Variants in MAPK10 observed in about 807,000 individuals in gnomAD.
MAPK10 encodes JNK3 alpha protein kinase.
A neutral mutation model predicts 59.3 loss-of-function variants in MAPK10; 25 were observed. The ratio of observed to expected loss-of-function variants is 0.42; its 90% CI spans 0.31 to 0.59. The LOEUF is 0.59. Ranked by LOEUF, MAPK10 falls within the 20% of genes least tolerant of loss-of-function variation. MAPK10 has a pLI of 0.15. For missense variants in MAPK10, 351 were observed against 568.9 expected (o/e 0.62, Z 3.90); for synonymous variants, 190 against 200.5 (o/e 0.95, Z 0.44).
chr4:86,476,356 C>A (rs1261927408), intron 1 of MAPK10, among the ~76,000 whole-genome samples: 2 of 152,168 alleles, frequency 1.3e-5, no homozygotes, highest in Non-Finnish European at 2.9e-5. Flanking sequence ...AGCCTTCCCC[C>A]ACCAGCCCAG....
chr4:86,011,770 C>T lies in MAPK10; in HGVS notation c.*5458G>A, dbSNP rs147969226. 2.6e-5 allele frequency: 4 copies of T among 152,212 alleles called. No individual in the cohort carries two copies. The highest frequency in any genetic ancestry group is 4.4e-5 in the Non-Finnish European group (3 of 67,994). 9.4% of individuals were successfully genotyped at this position (152,212 alleles called of 1,614,324 possible). Reference sequence around the variant, plus strand: ...ATATTCCAACAGGAACTAGGTAAAACGATAAATGTGATAACTCAAAATAAT... The same window carrying T: ...ATATTCCAACAGGAACTAGGTAAAATGATAAATGTGATAACTCAAAATAAT... On this transcript the variant is annotated 3_prime_UTR_variant, in exon 14 of 14. Transcript: ENST00000641462.
At chr4:86,359,497 G>T (rs1330408363) in intron 1 of MAPK10, among the ~76,000 whole-genome samples, 161 bp downstream of exon 1, 2 of 151,896 alleles carry the variant, frequency 1.3e-5, no homozygotes, top group African/African-American at 4.8e-5. Flanking sequence ...AAAACTGGTA[G>T]CTTCTTGCTT....
At chr4:86,144,684 T>A (rs1277841945) in intron 4 of MAPK10, among the ~76,000 whole-genome samples, 1 of 152,194 alleles carries the variant, frequency 6.6e-6, no homozygotes, top group Non-Finnish European at 1.5e-5. Flanking sequence ...TCATAATTTC[T>A]TATTGATAAT....
At chr4:86,051,929 A>G (rs116150967) in intron 11 of MAPK10, among the ~76,000 whole-genome samples, 1 of 152,220 alleles carries the variant, frequency 6.6e-6, no homozygotes, top group Admixed American at 6.5e-5. Context: ...TCCGAAAAAC[A>G]AAGTGGAAAC....
chr4:86,456,483 T>A (rs1367307074), upstream of MAPK10, among the ~76,000 whole-genome samples: 2 of 152,054 alleles, frequency 1.3e-5, no homozygotes, highest in Non-Finnish European at 2.9e-5. Context: ...ATGCTACAAC[T>A]GACACCACAG....
At chr4:86,169,254 T>G (rs1426484395) in intron 3 of MAPK10, among the ~76,000 whole-genome samples, 1 of 151,976 alleles carries the variant, frequency 6.6e-6, no homozygotes, top group Admixed American at 6.5e-5. Context: ...CTACAGACGA[T>G]CAAACTACTC....
intron 1 of MAPK10, among the ~76,000 whole-genome samples, chr4:86,547,154 T>C (rs1759261898): frequency 6.6e-6 from 1 of 152,242 alleles, no homozygotes; most frequent in Admixed American, 6.5e-5. Context: ...GGTGACAGCT[T>C]GCTGGCAGTT....
At chr4:86,448,062 G>T (rs1229630795) in intron 1 of MAPK10, among the ~76,000 whole-genome samples, 1 of 152,124 alleles carries the variant, frequency 6.6e-6, no homozygotes, top group East Asian at 1.9e-4. Context: ...CAGTTTTTGT[G>T]GGAGTTAGAT....
intron 1 of MAPK10, among the ~76,000 whole-genome samples, chr4:86,529,897 T>A (rs1053327587): frequency 6.6e-6 from 1 of 152,172 alleles, no homozygotes; most frequent in Admixed American, 6.5e-5. Context: ...TGTTTGTCTA[T>A]GTGCTTAGTT....
chr4:86,122,216 GA>G (rs930636048), intron 4 of MAPK10, among the ~76,000 whole-genome samples: 9 of 152,146 alleles, frequency 5.9e-5, no homozygotes, highest in African/African-American at 2.2e-4. Flanking sequence ...TGTCATGGTA[GA>G]AAAAGACTTT....
At chr4:86,290,417 CT>C (rs1423066386) in intron 2 of MAPK10, among the ~76,000 whole-genome samples, 2 of 152,182 alleles carry the variant, frequency 1.3e-5, no homozygotes, top group Admixed American at 1.3e-4. Flanking sequence ...CAGGTCTTTA[CT>C]CAAAATTACC....
chr4:86,076,228 G>C (rs994691195), intron 9 of MAPK10, among the ~76,000 whole-genome samples: 1 of 152,198 alleles, frequency 6.6e-6, no homozygotes. Context: ...TCCCAGGTGA[G>C]GCAATGCCTC....
intron 2 of MAPK10, among the ~76,000 whole-genome samples, chr4:86,203,503 A>G (rs950235919): frequency 3.6e-4 from 55 of 151,754 alleles, no homozygotes; most frequent in Non-Finnish European, 3.5e-4. Context: ...GAACTGCAAT[A>G]TATACAAGGA....
At chr4:86,367,014 T>C (rs1278440548) in intron 1 of MAPK10, among the ~76,000 whole-genome samples, 1 of 152,156 alleles carries the variant, frequency 6.6e-6, no homozygotes, top group Non-Finnish European at 1.5e-5. Context: ...TAGAATAGAC[T>C]TGAACCCTCA....
intron 1 of MAPK10, among the ~76,000 whole-genome samples, chr4:86,435,369 C>T (rs575839893): frequency 2.0e-5 from 3 of 151,950 alleles, no homozygotes; most frequent in Non-Finnish European, 2.9e-5. Context: ...TCGTGGCAGG[C>T]GCCTGTGATC....
intron 2 of MAPK10, among the ~76,000 whole-genome samples, chr4:86,200,999 C>A (rs2082492963): frequency 6.6e-6 from 1 of 151,848 alleles, no homozygotes; most frequent in African/African-American, 2.4e-5. Context: ...TTACTCCTTT[C>A]TCTCCACTAC....
intron 4 of MAPK10, among the ~76,000 whole-genome samples, chr4:86,130,894 G>T (rs1311128096): frequency 2.6e-5 from 4 of 152,144 alleles, no homozygotes; most frequent in Non-Finnish European, 4.4e-5. Flanking sequence ...AAATTTAGAA[G>T]AGACCATACA....
intron 1 of MAPK10, among the ~76,000 whole-genome samples, chr4:86,476,868 C>T (rs539239045): frequency 1.3e-5 from 2 of 152,268 alleles, no homozygotes; most frequent in Admixed American, 1.3e-4. Flanking sequence ...GCTACAAGTG[C>T]CAGAAATCTG....
intron 3 of MAPK10, among the ~76,000 whole-genome samples, chr4:86,186,279 T>C (rs184995809): frequency 3.4e-4 from 52 of 152,248 alleles, no homozygotes; most frequent in African/African-American, 1.2e-3. Context: ...ATGGAATTTC[T>C]AACCAAGGCT....
Sources: allele counts gnomAD v4.1 joint callset (sites outside exome capture counted in the v4.1 genomes callset), GRCh38; gene constraint gnomAD v4.1.1; transcripts MANE v1.5; gene names NCBI Gene and HGNC (gene_info 2026-07-23, HGNC 2026-07-21).